The following ANK2 variants were observed in gnomAD, a reference collection of about 807,000 sequenced individuals.
The protein encoded by ANK2 is ankyrin-2.
ANK2 carries 83 observed loss-of-function variants against 360.5 expected under a neutral mutation model. The observed-to-expected ratio is 0.23, with a 90% CI of 0.19 to 0.28. ANK2 has a LOEUF of 0.28. Among genes scored for constraint, ANK2 ranks in the 10% least tolerant of loss-of-function variants. ANK2 has a pLI of 1.00. For missense variants in ANK2, 4,201 were observed against 4,795.7 expected (o/e 0.88, Z 3.66); for synonymous variants, 1,740 against 1,759.5 (o/e 0.99, Z 0.28).
chr4:112,822,315 G>T (rs926287956), intron 1 of ANK2, among the ~76,000 whole-genome samples: 11 of 149,376 alleles, frequency 7.4e-5, no homozygotes, highest in Admixed American at 6.0e-4. Context: ...TTACTCAGGA[G>T]ACTGAGGCAG....
At chr4:112,743,481 C>G in the ANK2 span, among the ~76,000 whole-genome samples, 1 of 150,414 alleles carries the variant, frequency 6.6e-6, no homozygotes, top group Non-Finnish European at 1.5e-5. Flanking sequence ...CGGTCTTTCT[C>G]TCTTTCTCTC....
Position 113,187,848 on chromosome 4 carries a change from A to T in ANK2, c.187-8520A>T, listed in dbSNP as rs1403169283. Among the ~76,000 whole-genome samples the T allele has an allele frequency of 3.9e-5, 6 of 152,220 alleles. 1 individual carries two copies. Among genetic ancestry groups the T allele is most frequent in the Admixed American group, 2.0e-4 (3 of 15,286 alleles). The stretch of plus-strand genomic sequence containing the variant: ...TGATTGAGTGGATATTGGGCCAGCC[A>T]CTTAAATCATTCTGAATCTCAAATT... On this transcript the variant is annotated intron_variant, in intron 2 of 45. Transcript: ENST00000357077.
intron 2 of ANK2, among the ~76,000 whole-genome samples, chr4:113,015,937 C>T (rs1016038347): frequency 6.6e-6 from 1 of 151,680 alleles, no homozygotes; most frequent in African/African-American, 2.4e-5. Flanking sequence ...GCAATATTGG[C>T]AAAACATACA....
rs972165829 is a variant in ANK2, at chr4:113,192,138, T to C, written c.187-4230T>C. Among the ~76,000 whole-genome samples, 6 of 152,338 alleles carry C rather than the reference T, an allele frequency of 3.9e-5. No individual in the cohort carries two copies. In the East Asian group the frequency reaches 1.2e-3, roughly 29 times the overall value. On this transcript the variant is annotated intron_variant, in intron 2 of 45. Coordinates refer to ENST00000357077, the MANE Select transcript of ANK2 (RefSeq NM_001148.6). ...TGCCGGTTTGTTACGTAGGTATACG[T>C]GTGCTATGGTGGTTTGCCGCATCTA...
At chr4:112,912,124 C>T (rs953212824) in intron 2 of ANK2, among the ~76,000 whole-genome samples, 13 of 151,726 alleles carry the variant, frequency 8.6e-5, no homozygotes, top group Non-Finnish European at 1.8e-4. Context: ...TTGCAGTGAG[C>T]CAAGATCGTG....
Position 113,358,582 on chromosome 4 carries a change from G to A in ANK2, c.9964G>A (p.Glu3322Lys), listed in dbSNP as rs780814996. The A allele has an allele frequency of 1.2e-6, 2 of 1,614,108 alleles. No individual in the cohort carries two copies. Among genetic ancestry groups the A allele is most frequent in the Non-Finnish European group, 8.5e-7 (1 of 1,179,968 alleles). ...CCCAGCACCTCCATCTGCAGAGTATGAGAGTTCAGTTTCTGAAGATTTTCT... is the reference window on the plus strand; with the variant it reads ...CCCAGCACCTCCATCTGCAGAGTATAAGAGTTCAGTTTCTGAAGATTTTCT... ...STPAPPSAEY[E>K]SSVSEDFLSS... Residue 3322 changes from glutamate (E) to lysine (K), a missense_variant, in exon 38 of 46, where the codon GAG (glutamate) becomes AAG (lysine). Glu to Lys is a moderately conservative substitution (Grantham distance 56). Transcript: ENST00000357077.
At chr4:112,733,101 C>T in the ANK2 span, among the ~76,000 whole-genome samples, 1 of 152,068 alleles carries the variant, frequency 6.6e-6, no homozygotes, top group Non-Finnish European at 1.5e-5. Context: ...CCTGTAATCC[C>T]AGCTAATCTG....
At chr4:113,260,642 GT>G (rs1182911730) in intron 13 of ANK2, among the ~76,000 whole-genome samples, 2 of 152,152 alleles carry the variant, frequency 1.3e-5, no homozygotes, top group Non-Finnish European at 2.9e-5. Flanking sequence ...CCATGCAATA[GT>G]TAAGACATAG....
intron 2 of ANK2, among the ~76,000 whole-genome samples, chr4:112,988,104 G>C (rs1359718488): frequency 6.6e-6 from 1 of 151,792 alleles, no homozygotes; most frequent in Non-Finnish European, 1.5e-5. Flanking sequence ...CAGAACTGCA[G>C]TGATAATAGC....
intron 1 of ANK2, among the ~76,000 whole-genome samples, chr4:112,825,783 AG>A (rs2058299413): frequency 6.6e-6 from 1 of 152,224 alleles, no homozygotes; most frequent in South Asian, 2.1e-4. Flanking sequence ...AAGAGTAGAC[AG>A]TTGTGGAAAA....
rs2096343477 is a variant in ANK2 at position 113,363,377 on chromosome 4, A to C, written c.10796A>C (p.His3599Pro). 1 of 1,613,396 alleles carries C rather than the reference A, an allele frequency of 6.2e-7. No individual in the cohort carries two copies. The highest frequency in any genetic ancestry group is 8.5e-7 in the Non-Finnish European group (1 of 1,179,672). ...RELDFTEEQI[H>P]QIRIENPNSL... The stretch of plus-strand genomic sequence containing the variant: ...CTGGATTTCACTGAGGAGCAAATTC[A>C]TCAAATTCGAATTGAAAATCCCAAC... Residue 3599 changes from histidine (H) to proline (P), a missense_variant, in exon 40 of 46, where the codon CAT becomes CCT. By Grantham distance (77) the His-to-Pro change is moderately conservative (BLOSUM62 -2). This residue lies in a region of ANK2 where 2,642 missense variants were observed against 2,714.5 expected (regional missense o/e 0.97). Transcript: ENST00000357077.
chr4:113,242,307 G>A, intron 9 of ANK2, 98 bp downstream of exon 9: 5 of 1,040,406 alleles, frequency 4.8e-6, no homozygotes, highest in Non-Finnish European at 7.5e-6. Context: ...TAAGCAATGT[G>A]TTTTCAAGGA....
upstream of ANK2, among the ~76,000 whole-genome samples, chr4:113,048,511 G>T (rs1157288008): frequency 6.8e-6 from 1 of 147,868 alleles, no homozygotes; most frequent in Non-Finnish European, 1.5e-5. Context: ...CTCACCTTGC[G>T]ATCCACCTGC....
chr4:113,051,677 T>A (rs2067095845), intron 1 of ANK2, among the ~76,000 whole-genome samples: 2 of 152,126 alleles, frequency 1.3e-5, no homozygotes, highest in South Asian at 4.1e-4. Context: ...TACACATCCC[T>A]CAGCTTGCCT....
At chr4:112,884,424 A>T (rs1176063084) in intron 1 of ANK2, among the ~76,000 whole-genome samples, 1 of 152,264 alleles carries the variant, frequency 6.6e-6, no homozygotes, top group African/African-American at 2.4e-5. Context: ...GTTGTGTTCC[A>T]ATAAAACTTT....
chr4:112,954,877 A>T (rs1392659051), intron 2 of ANK2, among the ~76,000 whole-genome samples: 1 of 152,174 alleles, frequency 6.6e-6, no homozygotes, highest in Non-Finnish European at 1.5e-5. Context: ...TATTAAAAGC[A>T]TGAAAAAATA....
chr4:113,143,751 T>A (rs62313832), intron 1 of ANK2, among the ~76,000 whole-genome samples: 28,305 of 152,130 alleles, frequency 0.19, 2,744 homozygotes, highest in African/African-American at 0.23. Flanking sequence ...AAGAACCTTA[T>A]AGAAGGAGAC....
intron 2 of ANK2, among the ~76,000 whole-genome samples, chr4:112,918,151 G>T (rs2090441276): frequency 6.6e-6 from 1 of 152,116 alleles, no homozygotes; most frequent in South Asian, 2.1e-4. Context: ...AAAGGTAAAT[G>T]GGTTTTATTA....
chr4:113,175,466 G>A (rs1167607572), intron 2 of ANK2, among the ~76,000 whole-genome samples: 5 of 151,950 alleles, frequency 3.3e-5, no homozygotes, highest in East Asian at 1.9e-4. Context: ...ACTGTTTCCC[G>A]TTCCTCATCT....
Sources: gnomAD v4.1 joint callset for allele counts (sites outside exome capture counted in the v4.1 genomes callset) on GRCh38, gnomAD v4.1.1 for gene constraint, gnomAD v4.1.1 regional missense constraint, MANE v1.5 for transcripts, NCBI Gene and HGNC (gene_info 2026-07-23, HGNC 2026-07-21) for gene names.